HS6ST3: variants seen among roughly 807,000 people sequenced by gnomAD.
HS6ST3 encodes the protein heparan sulfate 6-O-sulfotransferase 3, also known as heparan-sulfate 6-O-sulfotransferase 3.
HS6ST3 carries 12 observed loss-of-function variants against 36.7 expected under a neutral mutation model. The observed-to-expected ratio is 0.33, with a 90% CI of 0.21 to 0.53. The LOEUF (loss-of-function observed/expected upper bound fraction) is 0.53. HS6ST3 is among the 20% of genes least tolerant of loss of function. HS6ST3 has a pLI of 0.95. For missense variants in HS6ST3, 584 were observed against 640.9 expected (o/e 0.91, Z 0.96); for synonymous variants, 240 against 257.5 (o/e 0.93, Z 0.65).
chr13:96,445,656 C>T (rs1260850491), intron 1 of HS6ST3, among the ~76,000 whole-genome samples: 1 of 150,788 alleles, frequency 6.6e-6, no homozygotes, highest in Non-Finnish European at 1.5e-5. Context: ...CACTTGAGGC[C>T]AGGAGTTCGA....
intron 1 of HS6ST3, among the ~76,000 whole-genome samples, chr13:96,610,762 G>A (rs1235402996): frequency 6.6e-6 from 1 of 151,416 alleles, no homozygotes; most frequent in East Asian, 1.9e-4. Flanking sequence ...CATATAACTT[G>A]TAGTTTTCTG....
chr13:96,253,262 C>T (rs1594732607), intron 1 of HS6ST3, among the ~76,000 whole-genome samples: 2 of 152,158 alleles, frequency 1.3e-5, no homozygotes, highest in Admixed American at 1.3e-4. Context: ...CTAGATGTCC[C>T]CAGGTGATTC....
chr13:96,599,070 G>T (rs375420660), intron 1 of HS6ST3, among the ~76,000 whole-genome samples: 1 of 152,088 alleles, frequency 6.6e-6, no homozygotes, highest in African/African-American at 2.4e-5. Flanking sequence ...CAGTTTGCTA[G>T]TATTTTTTTG....
At chr13:96,500,500 A>G (rs2055998965) in intron 1 of HS6ST3, among the ~76,000 whole-genome samples, 1 of 152,186 alleles carries the variant, frequency 6.6e-6, no homozygotes, top group African/African-American at 2.4e-5. Context: ...ACTAGACTGA[A>G]GGGAGCCAAA....
At chr13:96,750,520 A>T (rs1439314785) in intron 1 of HS6ST3, among the ~76,000 whole-genome samples, 1 of 152,222 alleles carries the variant, frequency 6.6e-6, no homozygotes, top group African/African-American at 2.4e-5. Flanking sequence ...AACGGGAGGA[A>T]TGTTACTGTG....
At chr13:96,694,828 A>G (rs1487990053) in intron 1 of HS6ST3, among the ~76,000 whole-genome samples, 2 of 152,206 alleles carry the variant, frequency 1.3e-5, no homozygotes, top group East Asian at 1.9e-4. Context: ...TTGGCCGTGT[A>G]TATGTCTTCT....
intron 1 of HS6ST3, among the ~76,000 whole-genome samples, chr13:96,509,250 C>G (rs1021930604): frequency 2.0e-5 from 3 of 152,070 alleles, no homozygotes; most frequent in South Asian, 4.1e-4. Context: ...ATTCTGGATA[C>G]TAGTCCTTTG....
At chr13:96,286,027 C>T (rs1305473420) in intron 1 of HS6ST3, among the ~76,000 whole-genome samples, 1 of 147,216 alleles carries the variant, frequency 6.8e-6, no homozygotes, top group Non-Finnish European at 1.5e-5. Flanking sequence ...TTTCTTCTTC[C>T]TGCCTCTCTT....
intron 1 of HS6ST3, among the ~76,000 whole-genome samples, chr13:96,241,518 G>A (rs1478441382): frequency 1.3e-5 from 2 of 151,564 alleles, no homozygotes; most frequent in Admixed American, 1.3e-4. Flanking sequence ...GTTACATTGG[G>A]TTTATCAATT....
intron 1 of HS6ST3, among the ~76,000 whole-genome samples, chr13:96,562,330 G>T (rs1348853832): frequency 6.6e-6 from 1 of 152,084 alleles, no homozygotes; most frequent in Non-Finnish European, 1.5e-5. Context: ...ACAATGGGTA[G>T]TCATGCCATA....
At chr13:96,267,318 C>A (rs2054697255) in intron 1 of HS6ST3, among the ~76,000 whole-genome samples, 1 of 152,054 alleles carries the variant, frequency 6.6e-6, no homozygotes, top group Admixed American at 6.6e-5. Flanking sequence ...TGGCATCTCT[C>A]ATCTTGTACA....
chr13:96,691,150 T>A (rs1566430790), intron 1 of HS6ST3, among the ~76,000 whole-genome samples: 1 of 152,122 alleles, frequency 6.6e-6, no homozygotes, highest in Non-Finnish European at 1.5e-5. Context: ...AATTAATGTG[T>A]CCTGACATAA....
chr13:96,753,502 CT>C (rs1262448149), intron 1 of HS6ST3, among the ~76,000 whole-genome samples: 1 of 151,976 alleles, frequency 6.6e-6, no homozygotes, highest in African/African-American at 2.4e-5. Flanking sequence ...GTTAACTATA[CT>C]TTCTTTATTG....
At chr13:96,693,670 T>C (rs775636827) in intron 1 of HS6ST3, among the ~76,000 whole-genome samples, 2 of 152,158 alleles carry the variant, frequency 1.3e-5, no homozygotes, top group African/African-American at 2.4e-5. Flanking sequence ...TTTATTCTCA[T>C]GGTAAAATGA....
intron 1 of HS6ST3, among the ~76,000 whole-genome samples, chr13:96,285,064 T>C (rs1220011515): frequency 1.4e-4 from 22 of 152,192 alleles, no homozygotes; most frequent in Non-Finnish European, 1.5e-5. Flanking sequence ...TGCATATTTT[T>C]ACTTATTAGT....
At chr13:96,261,259 A>AAT (rs371732169) in intron 1 of HS6ST3, among the ~76,000 whole-genome samples, 335 of 149,728 alleles carry the variant, frequency 2.2e-3, no homozygotes, top group African/African-American at 7.2e-3. Context: ...TAAAGTCATG[A>AAT]ATATATATAT....
intron 1 of HS6ST3, among the ~76,000 whole-genome samples, chr13:96,467,404 C>G (rs1170831634): frequency 3.3e-5 from 5 of 152,112 alleles, no homozygotes; most frequent in Admixed American, 3.3e-4. Context: ...ATCATGCTGC[C>G]AAATGGGATA....
chr13:96,223,255 G>A (rs2054464423), intron 1 of HS6ST3, among the ~76,000 whole-genome samples: 1 of 152,202 alleles, frequency 6.6e-6, no homozygotes, highest in Admixed American at 6.5e-5. Flanking sequence ...GGACAGGAAG[G>A]AGGCATCTTT....
rs546529715 is a variant in HS6ST3 at position 96,803,951 on chromosome 13, T to C, written c.708-28539T>C. Among the ~76,000 whole-genome samples the C allele has an allele frequency of 2.0e-5, 3 of 152,228 alleles. No individual in the cohort carries two copies. The South Asian group carries it at 6.2e-4, about 32-fold the overall frequency. ...CCAGACAGACTGTGGAAGTAAGGTG[T>C]GGGTCCTGCCCTCAACAGCCTGCAG... is the stretch of plus-strand genomic sequence containing the variant. On this transcript the variant is annotated intron_variant, in intron 1 of 1. Coordinates refer to ENST00000376705, the MANE Select transcript of HS6ST3 (RefSeq NM_153456.4).
Sources: gnomAD v4.1 joint callset for allele counts (sites outside exome capture counted in the v4.1 genomes callset) on GRCh38, gnomAD v4.1.1 for gene constraint, MANE v1.5 for transcripts, NCBI Gene and HGNC (gene_info 2026-07-23, HGNC 2026-07-21) for gene names.